RNASEH1: variants seen among roughly 807,000 people sequenced by gnomAD.
The protein encoded by RNASEH1 is ribonuclease H1, also known as ribonuclease H type II.
In RNASEH1, 27 loss-of-function variants were observed where a neutral mutation model predicts 34.6. That is an observed-to-expected ratio of 0.78 (90% confidence interval 0.58 to 1.08). RNASEH1 has a LOEUF of 1.08. Among genes scored for constraint, RNASEH1 ranks in the 50% least tolerant of loss-of-function variants. RNASEH1 has a pLI of 0.00. For synonymous variants in RNASEH1, 162 were observed against 138.4 expected, an observed-to-expected ratio of 1.17 and a Z score of -1.20; for missense variants, 349 against 373.6, an observed-to-expected ratio of 0.93 and a Z score of 0.54.
chr2:3,545,944 T>A, intron 7 of RNASEH1, 73 bp from the exon 8 acceptor site: 2 of 1,101,058 alleles, frequency 1.8e-6, no homozygotes, highest in Non-Finnish European at 2.8e-6. Flanking sequence ...ATTGTCATCA[T>A]AAAAAACCAT....
downstream of RNASEH1, among the ~76,000 whole-genome samples, chr2:3,539,885 T>C (rs754982125): frequency 2.0e-5 from 3 of 152,172 alleles, no homozygotes; most frequent in African/African-American, 4.8e-5. Context: ...GCAGCTTTCA[T>C]TGGTTCCTAT....
At chr2:3,557,200 C>T (rs992137119) in intron 1 of RNASEH1, among the ~76,000 whole-genome samples, 2 of 152,114 alleles carry the variant, frequency 1.3e-5, no homozygotes, top group African/African-American at 4.8e-5. Flanking sequence ...TATTTTAAAA[C>T]TGTATTCTAT....
intron 1 of RNASEH1, chr2:3,557,897 T>C (rs2147797092): frequency 1.3e-6 from 2 of 1,508,094 alleles, no homozygotes; most frequent in African/African-American, 2.8e-5. Flanking sequence ...CCCCTAACCT[T>C]TACGCGACGT....
the RNASEH1 span, among the ~76,000 whole-genome samples, chr2:3,534,524 C>CT: frequency 6.6e-6 from 1 of 152,246 alleles, no homozygotes; most frequent in African/African-American, 2.4e-5. Context: ...CCTGGTGTCT[C>CT]TGAGTTTTGG....
chr2:3,539,465 G>C (rs2103267358), downstream of RNASEH1, among the ~76,000 whole-genome samples: 1 of 152,272 alleles, frequency 6.6e-6, no homozygotes, highest in African/African-American at 2.4e-5. Flanking sequence ...CAATATCAGA[G>C]TCACCTTGTG....
chr2:3,536,277 T>C, the RNASEH1 span, among the ~76,000 whole-genome samples: 1 of 152,232 alleles, frequency 6.6e-6, no homozygotes. Flanking sequence ...ACGGTCGGCC[T>C]AGAGTCAGAG....
intron 3 of RNASEH1, 98 bp downstream of exon 3, chr2:3,552,046 C>T (rs1659979739): frequency 2.2e-6 from 2 of 898,774 alleles, no homozygotes; most frequent in East Asian, 2.5e-5. Flanking sequence ...AGATGATAAA[C>T]ACCAGCTCAA....
chr2:3,534,317 G>A, the RNASEH1 span: 1 of 151,630 alleles, frequency 6.6e-6, no homozygotes, highest in Non-Finnish European at 1.5e-5. Context: ...TGCTTGCTGA[G>A]CAGTGGAGGA....
At chr2:3,550,142 T>TTA (rs1485946919) in intron 4 of RNASEH1, 25 of 241,382 alleles carry the variant, frequency 1.0e-4, no homozygotes, top group African/African-American at 8.4e-4. Flanking sequence ...GACCGTGTCT[T>TTA]AAAAAAAAAA....
At chr2:3,546,650 A>G (rs922772850) in intron 7 of RNASEH1, among the ~76,000 whole-genome samples, 1 of 152,162 alleles carries the variant, frequency 6.6e-6, no homozygotes, top group Non-Finnish European at 1.5e-5. Flanking sequence ...CCCTCAAACC[A>G]CACTGCCTGT....
downstream of RNASEH1, among the ~76,000 whole-genome samples, chr2:3,538,575 A>G (rs1024072413): frequency 6.6e-6 from 1 of 152,246 alleles, no homozygotes; most frequent in South Asian, 2.1e-4. Context: ...TTTTCCACTT[A>G]ACAGTGCCCA....
At position 3,552,129 on chromosome 2, in the gene RNASEH1, C is replaced by T; in HGVS notation, c.409+15G>A. The T allele has an allele frequency of 6.3e-7, 1 of 1,597,068 alleles. No homozygotes were observed. The highest frequency in any genetic ancestry group is 8.5e-7 in the Non-Finnish European group (1 of 1,174,010). On this transcript the variant is annotated intron_variant, in intron 3 of 7. Coordinates refer to ENST00000315212, the MANE Select transcript of RNASEH1 (RefSeq NM_002936.6). ...GACTGTGGTATTAAAATCTGAAAAC[C>T]CAAGGAAGATGTACCCATGTAGGAA...
In RNASEH1 at chr2:3,543,581, G is replaced by A. The variant is rs540426313; in HGVS notation, c.*2204C>T. ...GCTAAATAAAGATAAAAATCACAAC[G>A]GATTGAAACCCACCAAGTATGCTTA... is the stretch of plus-strand genomic sequence containing the variant. On this transcript the variant is annotated 3_prime_UTR_variant, in exon 8 of 8. Coordinates refer to ENST00000315212, the MANE Select transcript of RNASEH1 (RefSeq NM_002936.6). Among the ~76,000 whole-genome samples the A allele has an allele frequency of 5.9e-5, 9 of 152,034 alleles. No individual in the cohort carries two copies. Among genetic ancestry groups the A allele is most frequent in the Non-Finnish European group, 1.0e-4 (7 of 68,014 alleles).
At chr2:3,548,532 A>G (rs575041040) in intron 6 of RNASEH1, 108 bp downstream of exon 6, 4 of 691,348 alleles carry the variant, frequency 5.8e-6, no homozygotes, top group Admixed American at 2.5e-5. Flanking sequence ...CTGACAAACC[A>G]ATGTCATCCC....
chr2:3,535,403 C>T, the RNASEH1 span, among the ~76,000 whole-genome samples: 5 of 139,880 alleles, frequency 3.6e-5, no homozygotes, highest in South Asian at 2.2e-4. Flanking sequence ...CTCCAGCCTG[C>T]GTGACAGAGT....
At chr2:3,546,797 A>T (rs964009240) in intron 7 of RNASEH1, among the ~76,000 whole-genome samples, 4 of 152,214 alleles carry the variant, frequency 2.6e-5, no homozygotes, top group Admixed American at 1.3e-4. Flanking sequence ...GTTTGACATG[A>T]TTATTGATTT....
chr2:3,544,559 G>A lies in RNASEH1; in HGVS notation c.*1226C>T, dbSNP rs1341077377. On this transcript the variant is annotated 3_prime_UTR_variant, in exon 8 of 8. Transcript: ENST00000315212. ...TCAGGATTACTTGTTGGGGCAAGGAGGGGGAGAAGAAGAGGGCTGTGGCTG... is the reference window on the plus strand; with the variant it reads ...TCAGGATTACTTGTTGGGGCAAGGAAGGGGAGAAGAAGAGGGCTGTGGCTG... 6.6e-6 allele frequency among the ~76,000 whole-genome samples: 1 copy of A among 152,192 alleles called. No homozygotes were observed. Among genetic ancestry groups the A allele is most frequent in the East Asian group, 1.9e-4 (1 of 5,192 alleles).
chr2:3,550,981 ATGAT>A lies in RNASEH1; in HGVS notation c.410-513_410-510del, dbSNP rs1289874118. Among the ~76,000 whole-genome samples, 11 of 152,348 alleles carry A rather than the reference ATGAT, an allele frequency of 7.2e-5. 1 individual carries two copies. The highest frequency in any genetic ancestry group is 2.6e-4 in the African/African-American group (11 of 41,570). On this transcript the variant is annotated intron_variant, in intron 3 of 7. Transcript: ENST00000315212. ...GCTTCTTTCCCTCTAGATAGAGGGT[ATGAT>A]TGACACACAAAGGCTGTAAAGAACA...
At chr2:3,556,954 CCTTT>C (rs747653308) in intron 1 of RNASEH1, 50 bp from the exon 2 acceptor site, 19 of 1,346,490 alleles carry the variant, frequency 1.4e-5, no homozygotes, top group Non-Finnish European at 2.0e-5. Context: ...TAACTTATCC[CCTTT>C]TTTATTGAGA....
Sources: gnomAD v4.1 joint callset for allele counts (sites outside exome capture counted in the v4.1 genomes callset) on GRCh38, gnomAD v4.1.1 for gene constraint, MANE v1.5 for transcripts, NCBI Gene and HGNC (gene_info 2026-07-23, HGNC 2026-07-21) for gene names.